ABCC1: variants seen among roughly 807,000 people sequenced by gnomAD.
ABCC1 encodes ATP binding cassette subfamily C member 1 (ABCC1 blood group), also known as multidrug resistance-associated protein 1.
ABCC1 carries 83 observed loss-of-function variants against 172.9 expected under a neutral mutation model. The ratio of observed to expected loss-of-function variants is 0.48; its 90% confidence interval spans 0.40 to 0.58. ABCC1 has a LOEUF of 0.58. Ranked by LOEUF, ABCC1 falls within the 20% of genes least tolerant of loss-of-function variation. The pLI is 0.00. For missense variants in ABCC1, 1,817 were observed against 2,002.7 expected, an observed-to-expected ratio of 0.91 and a Z score of 1.77; for synonymous variants, 937 against 825.2, an observed-to-expected ratio of 1.14 and a Z score of -2.32.
intron 1 of ABCC1, among the ~76,000 whole-genome samples, chr16:15,974,845 G>A (rs1398039418): frequency 6.6e-6 from 1 of 152,176 alleles, no homozygotes; most frequent in African/African-American, 2.4e-5. Flanking sequence ...GGACTGCGGT[G>A]GCATGATCTC....
chr16:16,001,305 G>C (rs373338182), intron 1 of ABCC1, among the ~76,000 whole-genome samples: 1 of 152,068 alleles, frequency 6.6e-6, no homozygotes, highest in South Asian at 2.1e-4. Context: ...TCTGCCTCCC[G>C]GGTGCACGCC....
At chr16:15,981,709 G>T (rs1430489683) in intron 1 of ABCC1, among the ~76,000 whole-genome samples, 1 of 152,132 alleles carries the variant, frequency 6.6e-6, no homozygotes, top group Non-Finnish European at 1.5e-5. Flanking sequence ...ACATGCCCTG[G>T]AGACATTTTC....
At chr16:16,011,888 C>T (rs371775737) in intron 3 of ABCC1, among the ~76,000 whole-genome samples, 1 of 152,010 alleles carries the variant, frequency 6.6e-6, no homozygotes, top group East Asian at 1.9e-4. Flanking sequence ...AGGCTGGTCT[C>T]GAACTCCGGA....
At chr16:16,082,889 C>G (rs2050859771) in intron 16 of ABCC1, among the ~76,000 whole-genome samples, 1 of 152,204 alleles carries the variant, frequency 6.6e-6, no homozygotes, top group African/African-American at 2.4e-5. Flanking sequence ...CTCAAGCAGT[C>G]TGCCTGCCTT....
intron 1 of ABCC1, among the ~76,000 whole-genome samples, chr16:15,955,690 G>A (rs78797031): frequency 0.019 from 2,906 of 152,028 alleles, 100 homozygotes; most frequent in African/African-American, 0.067. Context: ...CAGGCATCCC[G>A]TTCTTTCCCT....
intron 1 of ABCC1, among the ~76,000 whole-genome samples, chr16:15,955,856 G>T (rs375085547): frequency 1.3e-5 from 2 of 152,124 alleles, no homozygotes; most frequent in East Asian, 1.9e-4. Flanking sequence ...GTTTGTTTAC[G>T]GCTGTAATCC....
At chr16:16,107,217 G>T (rs2052163556) in intron 21 of ABCC1, among the ~76,000 whole-genome samples, 1 of 152,208 alleles carries the variant, frequency 6.6e-6, no homozygotes, top group African/African-American at 2.4e-5. Flanking sequence ...GTGGGGTTCA[G>T]TTGTGCATGA....
At chr16:15,984,512 G>A (rs2046701033) in intron 1 of ABCC1, among the ~76,000 whole-genome samples, 1 of 149,114 alleles carries the variant, frequency 6.7e-6, no homozygotes, top group African/African-American at 2.5e-5. Context: ...GCGTGATCGT[G>A]GCTCACTGCA....
intron 1 of ABCC1, among the ~76,000 whole-genome samples, chr16:15,996,355 C>T (rs1239873246): frequency 2.0e-5 from 3 of 152,110 alleles, no homozygotes; most frequent in Admixed American, 1.3e-4. Flanking sequence ...AATTCCTGGC[C>T]TCAAACTATC....
intron 7 of ABCC1, among the ~76,000 whole-genome samples, chr16:16,037,246 A>G (rs1047479012): frequency 1.7e-4 from 26 of 152,118 alleles, no homozygotes; most frequent in African/African-American, 6.0e-4. Context: ...TGCTGTTTGA[A>G]TGTTCTGTCC....
At chr16:16,079,273 T>C in intron 15 of ABCC1, 79 bp from the exon 16 acceptor site, 2 of 1,574,818 alleles carry the variant, frequency 1.3e-6, no homozygotes, top group Non-Finnish European at 1.7e-6. Flanking sequence ...TTGGGGTAAA[T>C]TGAGGCTCGG....
At chr16:15,957,471 G>C (rs1487423522) in intron 1 of ABCC1, among the ~76,000 whole-genome samples, 1 of 152,096 alleles carries the variant, frequency 6.6e-6, no homozygotes, top group Non-Finnish European at 1.5e-5. Flanking sequence ...CACACACAGT[G>C]GGGGCTCAAT....
intron 1 of ABCC1, among the ~76,000 whole-genome samples, chr16:16,003,846 G>A (rs1416291969): frequency 3.7e-5 from 5 of 135,456 alleles, no homozygotes; most frequent in African/African-American, 1.1e-4. Context: ...GGGTGGATGG[G>A]TGAATTGGTG....
At chr16:15,999,448 T>C (rs988395496) in intron 1 of ABCC1, among the ~76,000 whole-genome samples, 2 of 151,728 alleles carry the variant, frequency 1.3e-5, no homozygotes, top group Admixed American at 6.6e-5. Context: ...AAACCCCATC[T>C]CTACTAAAAA....
intron 1 of ABCC1, among the ~76,000 whole-genome samples, chr16:15,999,803 CTCTCTCCTCTCTCTCT>C (rs1343108104): frequency 3.4e-5 from 1 of 29,574 alleles, no homozygotes; most frequent in African/African-American, 8.7e-5. Flanking sequence ...CTCTCTCTCT[CTCTCTCCTCTCTCTCT>C]CTCTCTCTCT....
Position 16,086,853 on chromosome 16 carries a change from G to T in ABCC1, c.2322G>T (p.Gln774His). The part of the protein sequence containing the change: ...KGVNLSGGQK[Q>H]RVSLARAVYS... ...TGAACCTGTCTGGGGGCCAGAAGCAGCGCGTGAGCCTGGCCCGGGCCGTGT... is the reference window on the plus strand; with the variant it reads ...TGAACCTGTCTGGGGGCCAGAAGCATCGCGTGAGCCTGGCCCGGGCCGTGT... The change falls in exon 18 of 31, where the codon CAG becomes CAT. Residue 774 changes from glutamine (Q) to histidine (H), a missense_variant. Gln to His is a conservative substitution (Grantham distance 24, BLOSUM62 0). Coordinates refer to ENST00000399410, the MANE Select transcript of ABCC1 (RefSeq NM_004996.4). The T allele has an allele frequency of 1.2e-6, 2 of 1,614,090 alleles. No individual in the cohort carries two copies. Among genetic ancestry groups the T allele is most frequent in the Non-Finnish European group, 1.7e-6 (2 of 1,180,038 alleles).
intron 29 of ABCC1, among the ~76,000 whole-genome samples, chr16:16,137,273 G>A (rs1489844861): frequency 6.6e-6 from 1 of 152,128 alleles, no homozygotes; most frequent in African/African-American, 2.4e-5. Flanking sequence ...GCTGGCTGTT[G>A]GCTGATCTCG....
At chr16:16,069,370 G>A (rs1182647250) in intron 13 of ABCC1, among the ~76,000 whole-genome samples, 2 of 148,994 alleles carry the variant, frequency 1.3e-5, no homozygotes, top group African/African-American at 4.9e-5. Context: ...GTAAGACCCT[G>A]TTTTTTTTTG....
chr16:15,991,817 G>A (rs534776871), intron 1 of ABCC1, among the ~76,000 whole-genome samples: 6 of 152,058 alleles, frequency 3.9e-5, no homozygotes, highest in Middle Eastern at 3.4e-3. Flanking sequence ...CACCCCTTTC[G>A]TTGCCTTGAC....
Sources: allele counts gnomAD v4.1 joint callset (sites outside exome capture counted in the v4.1 genomes callset), GRCh38; gene constraint gnomAD v4.1.1; transcripts MANE v1.5; gene names NCBI Gene and HGNC (gene_info 2026-07-23, HGNC 2026-07-21).